Variants in GPHN observed in about 807,000 individuals in gnomAD.
GPHN encodes gephyrin.
Under a neutral mutation model 95.5 loss-of-function variants are expected in GPHN, and 17 were observed. That is an observed-to-expected ratio of 0.18 (90% CI 0.12 to 0.27). The LOEUF is 0.27. GPHN is among the 10% of genes least tolerant of loss of function. The probability of loss-of-function intolerance (pLI) is 1.00; values close to 1 mark genes in which losing one functional copy is unlikely to be tolerated. For synonymous variants in GPHN, 320 were observed against 322.5 expected (o/e 0.99, Z 0.08); for missense variants, 660 against 978.1 (o/e 0.67, Z 4.34).
chr14:67,599,700 T>C, the GPHN span, among the ~76,000 whole-genome samples: 6 of 152,222 alleles, frequency 3.9e-5, no homozygotes, highest in African/African-American at 1.4e-4. Context: ...ATTAAATTAC[T>C]GCGCGCCTAT....
chr14:67,607,158 A>C, the GPHN span, among the ~76,000 whole-genome samples: 305 of 152,352 alleles, frequency 2.0e-3, 2 homozygotes, highest in African/African-American at 7.1e-3. Flanking sequence ...ATTGAGAAGT[A>C]TATAACTCTT....
At chr14:67,600,902 T>C in the GPHN span, among the ~76,000 whole-genome samples, 1 of 152,152 alleles carries the variant, frequency 6.6e-6, no homozygotes, top group Non-Finnish European at 1.5e-5. Context: ...TTAATCATGC[T>C]TTTGCTTGGC....
At chr14:66,589,453 G>A (rs528455320) in intron 1 of GPHN, among the ~76,000 whole-genome samples, 19 of 151,954 alleles carry the variant, frequency 1.3e-4, no homozygotes, top group African/African-American at 4.3e-4. Flanking sequence ...ATTGGATAAA[G>A]AGTCAGGACC....
intron 8 of GPHN, among the ~76,000 whole-genome samples, chr14:66,955,505 T>C (rs2068432099): frequency 6.6e-6 from 1 of 152,194 alleles, no homozygotes; most frequent in Non-Finnish European, 1.5e-5. Context: ...TTGAATCTTT[T>C]TCTCTTTTTG....
chr14:66,915,929 T>G, intron 5 of GPHN, 74 bp from the exon 6 acceptor site: 1 of 839,120 alleles, frequency 1.2e-6, no homozygotes, highest in Non-Finnish European at 2.1e-6. Context: ...AAAATGATTG[T>G]TATTTGTTCT....
intron 1 of GPHN, among the ~76,000 whole-genome samples, chr14:66,545,585 CG>C: frequency 8.1e-6 from 1 of 123,000 alleles, no homozygotes; most frequent in Non-Finnish European, 1.6e-5. Flanking sequence ...CCCTCCCGGA[CG>C]GGGCGGCTGG....
At chr14:66,622,229 G>A (rs1440991945) in intron 1 of GPHN, among the ~76,000 whole-genome samples, 6 of 152,136 alleles carry the variant, frequency 3.9e-5, no homozygotes, top group Admixed American at 1.3e-4. Context: ...TGAACGCATG[G>A]CCTGAGCTTA....
chr14:67,108,712 G>GGTGTGTGT (rs3063159), intron 13 of GPHN, among the ~76,000 whole-genome samples: 2,048 of 131,154 alleles, frequency 0.016, 18 homozygotes, highest in East Asian at 0.04. Flanking sequence ...TTCCCTAAGG[G>GGTGTGTGT]GTGTGTGTGT....
chr14:66,596,057 A>G (rs1248979354), intron 1 of GPHN, among the ~76,000 whole-genome samples: 2 of 152,004 alleles, frequency 1.3e-5, no homozygotes, highest in East Asian at 1.9e-4. Flanking sequence ...GAGGAGACCC[A>G]TAGTGGGTAG....
At chr14:67,438,445 A>T in the GPHN span, among the ~76,000 whole-genome samples, 653 of 152,258 alleles carry the variant, frequency 4.3e-3, 5 homozygotes, top group African/African-American at 0.014. Flanking sequence ...GGAGTCAGGA[A>T]GATCTCAGTT....
chr14:66,951,172 C>T (rs947076484), intron 8 of GPHN, among the ~76,000 whole-genome samples: 1 of 152,000 alleles, frequency 6.6e-6, no homozygotes, highest in African/African-American at 2.4e-5. Context: ...GTGATCCACC[C>T]ACCTCGGCCT....
chr14:67,122,206 T>C (rs577858922), intron 16 of GPHN, 50 bp from the exon 17 acceptor site: 8 of 1,594,184 alleles, frequency 5.0e-6, no homozygotes, highest in Non-Finnish European at 6.9e-6. Context: ...ATTAGAAATA[T>C]GCAACATTAA....
At chr14:67,324,608 AG>A in the GPHN span, among the ~76,000 whole-genome samples, 1 of 152,006 alleles carries the variant, frequency 6.6e-6, no homozygotes, top group East Asian at 1.9e-4. Flanking sequence ...GTTTTGAAAT[AG>A]GGTCTTACTC....
chr14:66,629,443 A>G (rs2063698572), intron 1 of GPHN, among the ~76,000 whole-genome samples: 1 of 151,768 alleles, frequency 6.6e-6, no homozygotes, highest in Non-Finnish European at 1.5e-5. Context: ...GTCATCTTCT[A>G]TGTTAACAAC....
At chr14:66,566,100 A>C (rs891609302) in intron 1 of GPHN, among the ~76,000 whole-genome samples, 1 of 152,010 alleles carries the variant, frequency 6.6e-6, no homozygotes, top group African/African-American at 2.4e-5. Flanking sequence ...TACTGAACTC[A>C]TCATTTCATG....
At chr14:67,474,243 C>T in the GPHN span, among the ~76,000 whole-genome samples, 1 of 145,288 alleles carries the variant, frequency 6.9e-6, no homozygotes, top group Non-Finnish European at 1.5e-5. Context: ...CAGAGTGAGA[C>T]TCTGTCTCCA....
At chr14:66,958,846 C>T (rs1442009266) in intron 8 of GPHN, among the ~76,000 whole-genome samples, 2 of 152,112 alleles carry the variant, frequency 1.3e-5, no homozygotes, top group Non-Finnish European at 2.9e-5. Flanking sequence ...AATGCAATTA[C>T]TATAAAGAAG....
chr14:67,346,338 G>A, the GPHN span, among the ~76,000 whole-genome samples: 6 of 152,328 alleles, frequency 3.9e-5, no homozygotes, highest in Non-Finnish European at 8.8e-5. Context: ...TTGAGATGGG[G>A]TCTCACTCTG....
intron 18 of GPHN, among the ~76,000 whole-genome samples, chr14:67,158,900 A>G (rs949889125): frequency 2.0e-5 from 3 of 152,198 alleles, no homozygotes; most frequent in African/African-American, 7.2e-5. Context: ...ATCTGTGGGC[A>G]TATGTTCAAG....
Sources: allele counts gnomAD v4.1 joint callset (sites outside exome capture counted in the v4.1 genomes callset), GRCh38; gene constraint gnomAD v4.1.1; transcripts MANE v1.5; gene names NCBI Gene and HGNC (gene_info 2026-07-23, HGNC 2026-07-21).